The following KIT variants were observed in gnomAD, a reference collection of about 807,000 sequenced individuals.
KIT encodes KIT proto-oncogene, receptor tyrosine kinase, also known as mast/stem cell growth factor receptor Kit.
In KIT, 16 loss-of-function variants were observed where a neutral mutation model predicts 105.7. That is an observed-to-expected ratio of 0.15 (90% CI 0.10 to 0.23). KIT has a LOEUF of 0.23. Ranked by LOEUF, KIT falls within the 10% of genes least tolerant of loss-of-function variation. The pLI is 1.00. For synonymous variants in KIT, 438 were observed against 441.1 expected, an observed-to-expected ratio of 0.99 and a Z score of 0.09; for missense variants, 858 against 1,213.8, an observed-to-expected ratio of 0.71 and a Z score of 4.36.
At chr4:54,682,327 A>G (rs956028500) in intron 1 of KIT, among the ~76,000 whole-genome samples, 4 of 152,070 alleles carry the variant, frequency 2.6e-5, no homozygotes, top group South Asian at 2.1e-4. Flanking sequence ...TGGGTAAGCA[A>G]TCCTCCCGCC....
Position 54,726,008 on chromosome 4 carries a change from A to G in KIT, c.1498A>G (p.Thr500Ala). The change falls in exon 9 of 21, where the codon ACT (threonine) becomes GCT (alanine). Residue 500 changes from threonine to alanine, a missense_variant. Transcript: ENST00000288135. Reference sequence around the variant, plus strand: ...TAAGGCTTACAACGATGTGGGCAAGACTTCTGCCTATTTTAACTTTGCATT... The same window carrying G: ...TAAGGCTTACAACGATGTGGGCAAGGCTTCTGCCTATTTTAACTTTGCATT... Reference protein sequence around the residue: ...ECKAYNDVGKTSAYFNFAFKG... With the variant: ...ECKAYNDVGKASAYFNFAFKG... 1 of 1,614,128 alleles carries G rather than the reference A, an allele frequency of 6.2e-7. No homozygotes were observed. Among genetic ancestry groups the G allele is most frequent in the African/African-American group, 1.3e-5 (1 of 75,044 alleles).
intron 1 of KIT, among the ~76,000 whole-genome samples, chr4:54,690,058 T>TC (rs1553886388): frequency 1.1e-5 from 1 of 93,964 alleles, no homozygotes; most frequent in Non-Finnish European, 2.4e-5. Flanking sequence ...TTTTTTTTTG[T>TC]GGGGGGGGGG....
At chr4:54,676,022 G>A (rs997884582) in intron 1 of KIT, among the ~76,000 whole-genome samples, 1 of 152,222 alleles carries the variant, frequency 6.6e-6, no homozygotes, top group Admixed American at 6.5e-5. Context: ...GGGACCCAGT[G>A]CTAGGCCGAT....
At position 54,709,233 on chromosome 4, in the gene KIT, C is replaced by T. The variant is rs17084677; in HGVS notation, c.1116-191C>T. On this transcript the variant is annotated intron_variant, in intron 6 of 20. Coordinates refer to ENST00000288135, the MANE Select transcript of KIT (RefSeq NM_000222.3). ...CCACTCTGTGGTCTCTCACAACAGG[C>T]GTTGGTCCCAGATGGAATATGTGTG... Among the ~76,000 whole-genome samples the T allele has an allele frequency of 0.018, 2,741 of 152,236 alleles. 82 individuals are homozygous for T. Among genetic ancestry groups the T allele is most frequent in the African/African-American group, 0.062 (2,570 of 41,524 alleles).
rs756286159 is a variant in KIT at position 54,707,217 on chromosome 4, A to G, written c.1045A>G (p.Ile349Val). ...CCCCAAACCTGAACACCAGCAGTGG[A>G]TCTATATGAACAGAACCTTCACTGA... ...AFPKPEHQQW[I>V]YMNRTFTDKW... Residue 349 changes from isoleucine to valine, a missense_variant, in exon 6 of 21, where the codon ATC (isoleucine) becomes GTC (valine). This residue lies in a region of KIT where 401 missense variants were observed against 601.0 expected (regional missense o/e 0.67). Transcript: ENST00000288135. 1.4e-5 allele frequency: 23 copies of G among 1,611,532 alleles called. No individual in the cohort carries two copies. The highest frequency in any genetic ancestry group is 3.3e-5 in the South Asian group (3 of 91,040).
In KIT at chr4:54,703,747, T is replaced by G; in HGVS notation, c.780T>G (p.Asn260Lys). 1 of 1,613,866 alleles carries G rather than the reference T, an allele frequency of 6.2e-7. No homozygotes were observed. The highest frequency in any genetic ancestry group is 8.5e-7 in the Non-Finnish European group (1 of 1,179,784). ...NSQTKLQEKY[N>K]SWHHGDFNYE... Reference sequence around the variant, plus strand: ...AGACTAAACTACAGGAGAAATATAATAGCTGGCATCACGGTGACTTCAATT... The same window carrying G: ...AGACTAAACTACAGGAGAAATATAAGAGCTGGCATCACGGTGACTTCAATT... Residue 260 changes from asparagine (N) to lysine (K), a missense_variant, in exon 5 of 21, where the codon AAT becomes AAG. Transcript: ENST00000288135.
At chr4:54,671,599 T>G (rs561131440) in intron 1 of KIT, among the ~76,000 whole-genome samples, 1 of 152,300 alleles carries the variant, frequency 6.6e-6, no homozygotes, top group South Asian at 2.1e-4. Context: ...CCTATTGTTT[T>G]GGGTGAGAAT....
In KIT at chr4:54,657,982, G is replaced by C; in HGVS notation, c.-33G>C. On this transcript the variant is annotated 5_prime_UTR_variant, in exon 1 of 21. Coordinates refer to ENST00000288135, the MANE Select transcript of KIT (RefSeq NM_000222.3). Reference sequence around the variant, plus strand: ...GCACTTGGGCGAGAGCTGGAACGTGGACCAGAGCTCGGATCCCATCGCAGC... The same window carrying C: ...GCACTTGGGCGAGAGCTGGAACGTGCACCAGAGCTCGGATCCCATCGCAGC... 1.2e-6 allele frequency: 2 copies of C among 1,609,552 alleles called. No individual in the cohort carries two copies. The highest frequency in any genetic ancestry group is 2.2e-5 in the East Asian group (1 of 44,788).
In KIT at chr4:54,682,090, C is replaced by CTTT. The variant is rs375084454; in HGVS notation, c.68-13407_68-13405dup. 3.0e-3 allele frequency among the ~76,000 whole-genome samples: 386 copies of CTTT among 128,972 alleles called. 4 individuals carry two copies. The highest frequency in any genetic ancestry group is 7.2e-3 in the South Asian group (29 of 4,002). The allele number at this position is 128,972 out of a possible 152,430, so 84.6% of individuals were successfully genotyped here. ...TTTCTATGTACAAGAACTGAATTTTCTTTTTTTTTTTTTTTTTGAGACTGG... is the reference window on the plus strand; with the variant it reads ...TTTCTATGTACAAGAACTGAATTTTCTTTTTTTTTTTTTTTTTTTTGAGACTGG... On this transcript the variant is annotated intron_variant, in intron 1 of 20. Transcript: ENST00000288135.
chr4:54,679,087 C>G (rs575155983), intron 1 of KIT, among the ~76,000 whole-genome samples: 5 of 152,274 alleles, frequency 3.3e-5, no homozygotes, highest in African/African-American at 1.2e-4. Flanking sequence ...AGCTGAGGGC[C>G]CTGCTCCAAG....
In KIT at chr4:54,698,432, T is replaced by C. The variant is rs774584792; in HGVS notation, c.486T>C (p.Phe162=). 4 of 1,614,190 alleles carry C rather than the reference T, an allele frequency of 2.5e-6. No individual in the cohort carries two copies. The South Asian group carries it at 4.4e-5, about 18-fold the overall frequency. ...QGKPLPKDLR[F]IPDPKAGIMI... ...AGCCTCTTCCCAAGGACTTGAGGTT[T>C]ATTCCTGACCCCAAGGCGGGCATCA... is the stretch of plus-strand genomic sequence containing the variant. Residue 162 remains phenylalanine (F), a synonymous_variant, in exon 3 of 21, where the codon TTT becomes TTC. Coordinates refer to ENST00000288135, the MANE Select transcript of KIT (RefSeq NM_000222.3).
At chr4:54,731,187 T>C (rs1335460963) in intron 14 of KIT, 141 bp from the exon 15 acceptor site, 5 of 711,000 alleles carry the variant, frequency 7.0e-6, no homozygotes, top group African/African-American at 3.5e-5. Flanking sequence ...TTTCAAACTC[T>C]TTATTCAAAC....
At chr4:54,707,731 A>G (rs1408944991) in intron 6 of KIT, among the ~76,000 whole-genome samples, 1 of 152,254 alleles carries the variant, frequency 6.6e-6, no homozygotes, top group Non-Finnish European at 1.5e-5. Flanking sequence ...GATCCTCAAA[A>G]CATTATAGTA....
Position 54,736,810 on chromosome 4 carries a change from C to G in KIT, c.2686C>G (p.Pro896Ala), listed in dbSNP as rs1037165835. ...CCGGATGCTCAGCCCTGAACACGCA[C>G]CTGCTGAAATGTAAGAGCCAAAAAA... ...GFRMLSPEHA[P>A]AEMYDIMKTC... Residue 896 changes from proline to alanine, a missense_variant, in exon 19 of 21, where the codon CCT becomes GCT. This residue lies in a region of KIT where 105 missense variants were observed against 103.5 expected (regional missense o/e 1.01). Transcript: ENST00000288135. The G allele has an allele frequency of 2.0e-5, 33 of 1,613,918 alleles. No individual in the cohort carries two copies. The highest frequency in any genetic ancestry group is 2.8e-5 in the Non-Finnish European group (33 of 1,179,808).
At chr4:54,678,354 C>CCTTCCCTCCT (rs1560381445) in intron 1 of KIT, among the ~76,000 whole-genome samples, 53 of 68,138 alleles carry the variant, frequency 7.8e-4, no homozygotes, top group South Asian at 2.0e-3. Context: ...CCTTCCTTCC[C>CCTTCCCTCCT]TCCCTCCCTC....
At chr4:54,678,267 C>T (rs1718626279) in intron 1 of KIT, among the ~76,000 whole-genome samples, 1 of 151,636 alleles carries the variant, frequency 6.6e-6, no homozygotes, top group Non-Finnish European at 1.5e-5. Context: ...TTCATAGCTT[C>T]AATGCATTCC....
At chr4:54,733,622 A>C (rs1342053630) in intron 17 of KIT, among the ~76,000 whole-genome samples, 2 of 152,182 alleles carry the variant, frequency 1.3e-5, no homozygotes, top group Non-Finnish European at 2.9e-5. Context: ...CCTAGAATAC[A>C]CGGAGAGCTA....
intron 1 of KIT, among the ~76,000 whole-genome samples, chr4:54,659,576 G>A (rs1717089946): frequency 6.6e-6 from 1 of 152,120 alleles, no homozygotes; most frequent in Non-Finnish European, 1.5e-5. Flanking sequence ...CTATTGTGAG[G>A]GCTTTCCTGT....
chr4:54,712,842 T>C (rs567081735), intron 7 of KIT, among the ~76,000 whole-genome samples: 8 of 152,306 alleles, frequency 5.3e-5, no homozygotes, highest in African/African-American at 9.6e-5. Flanking sequence ...ATGAGGATCA[T>C]GTTGGTCCTG....
Sources: gnomAD v4.1 joint callset for allele counts (sites outside exome capture counted in the v4.1 genomes callset) on GRCh38, gnomAD v4.1.1 for gene constraint, gnomAD v4.1.1 regional missense constraint, MANE v1.5 for transcripts, NCBI Gene and HGNC (gene_info 2026-07-23, HGNC 2026-07-21) for gene names.